RPL14: variants seen among roughly 807,000 people sequenced by gnomAD.
RPL14 encodes the protein ribosomal protein L14.
In RPL14, 4 loss-of-function variants were observed where a neutral mutation model predicts 25.3. That is an observed-to-expected ratio of 0.16 (90% CI 0.08 to 0.36). The LOEUF (loss-of-function observed/expected upper bound fraction) is 0.36, where lower values mean the gene tolerates loss of function less well. RPL14 is among the 10% of genes least tolerant of loss of function. The pLI is 1.00. For synonymous variants in RPL14, 75 were observed against 89.8 expected, an observed-to-expected ratio of 0.84 and a Z score of 0.93; for missense variants, 212 against 261.9, an observed-to-expected ratio of 0.81 and a Z score of 1.31.
At chr3:40,457,543 G>C (rs761353887) in intron 1 of RPL14, 69 bp downstream of exon 1, 1 of 1,335,158 alleles carries the variant, frequency 7.5e-7, no homozygotes, top group African/African-American at 1.5e-5. Flanking sequence ...TCCCGGACTC[G>C]CCGCTGGCGA....
intron 3 of RPL14, among the ~76,000 whole-genome samples, chr3:40,461,016 C>T (rs1290911916): frequency 1.3e-5 from 2 of 152,038 alleles, no homozygotes; most frequent in Non-Finnish European, 2.9e-5. Flanking sequence ...GGCAACGTAG[C>T]AAGACCCTGT....
In RPL14 at chr3:40,457,376, G is replaced by A; in HGVS notation, c.-96G>A. 1.2e-6 allele frequency: 2 copies of A among 1,606,706 alleles called. No homozygotes were observed. The highest frequency in any genetic ancestry group is 1.7e-6 in the Non-Finnish European group (2 of 1,176,358). On this transcript the variant is annotated 5_prime_UTR_variant, in exon 1 of 6. Coordinates refer to ENST00000396203, the MANE Select transcript of RPL14 (RefSeq NM_001034996.3). ...CGCCGCCAACATGGTGAGTCTTACTGTTGCGGGCTCCGGGGCCGTCGACCA... is the reference window on the plus strand; with the variant it reads ...CGCCGCCAACATGGTGAGTCTTACTATTGCGGGCTCCGGGGCCGTCGACCA...
rs1697002048 is a variant in RPL14, at chr3:40,464,652, CTG to C, written c.*2421_*2422del. 1.3e-5 allele frequency: 5 copies of C among 387,006 alleles called. No individual in the cohort carries two copies. Among genetic ancestry groups the C allele is most frequent in the Admixed American group, 8.7e-5 (3 of 34,306 alleles). The allele number at this position is 387,006 out of a possible 1,614,324, so 24.0% of individuals were successfully genotyped here. A position where few individuals can be genotyped will look rare whatever the true frequency, so the allele number is the denominator to read the frequency against. ...GATTTAGATCATTGAACTGTTAAGA[CTG>C]AATCTTATGGGATCAAGACTGGGAA... On this transcript the variant is annotated 3_prime_UTR_variant, in exon 6 of 6. Transcript: ENST00000396203.
rs1374001247 is a variant in RPL14 at position 40,457,487 on chromosome 3, G to T, written c.3+13G>T. The T allele has an allele frequency of 1.2e-5, 18 of 1,543,028 alleles. No individual in the cohort carries two copies. The highest frequency in any genetic ancestry group is 1.6e-5 in the Non-Finnish European group (18 of 1,138,810). On this transcript the variant is annotated intron_variant, in intron 1 of 5. Coordinates refer to ENST00000396203, the MANE Select transcript of RPL14 (RefSeq NM_001034996.3). Reference sequence around the variant, plus strand: ...CGGGAAGCGCATGGTGAGGGTCCCCGGGCCGGCTGTGCAGCGGAATCGGGC... The same window carrying T: ...CGGGAAGCGCATGGTGAGGGTCCCCTGGCCGGCTGTGCAGCGGAATCGGGC...
At chr3:40,459,976 A>T (rs1198751283) in intron 3 of RPL14, among the ~76,000 whole-genome samples, 1 of 152,046 alleles carries the variant, frequency 6.6e-6, no homozygotes, top group Non-Finnish European at 1.5e-5. Flanking sequence ...CACTTGAACA[A>T]CCTCGAGTGA....
At chr3:40,458,793 A>G in intron 3 of RPL14, 57 bp downstream of exon 3, 1 of 1,450,538 alleles carries the variant, frequency 6.9e-7, no homozygotes, top group South Asian at 1.2e-5. Context: ...ATGCTAGTAA[A>G]AGTTTGTTTT....
rs1489500684 is a variant in RPL14 at position 40,464,630 on chromosome 3, T to A, written c.*2398T>A. 5 of 427,292 alleles carry A rather than the reference T, an allele frequency of 1.2e-5. No homozygotes were observed. In the East Asian group the frequency reaches 3.5e-4, roughly 30 times the overall value. The allele number at this position is 427,292 out of a possible 1,614,324, so 26.5% of individuals were successfully genotyped here. On this transcript the variant is annotated 3_prime_UTR_variant, in exon 6 of 6. Coordinates refer to ENST00000396203, the MANE Select transcript of RPL14 (RefSeq NM_001034996.3). ...TTTAAAATGGCGTGATATCTCAGAT[T>A]TAGATCATTGAACTGTTAAGACTGA...
At chr3:40,457,788 C>A (rs1696867372) in intron 1 of RPL14, 102 bp from the exon 2 acceptor site, 2 of 1,199,368 alleles carry the variant, frequency 1.7e-6, no homozygotes, top group Non-Finnish European at 2.5e-6. Flanking sequence ...CTGCAGCATT[C>A]TTTTTCGCTG....
At chr3:40,460,744 G>C (rs2125625469) in intron 3 of RPL14, among the ~76,000 whole-genome samples, 1 of 152,052 alleles carries the variant, frequency 6.6e-6, no homozygotes, top group African/African-American at 2.4e-5. Flanking sequence ...ACCACGCCCA[G>C]CTAATTTTTG....
At position 40,458,632 on chromosome 3, in the gene RPL14, T is replaced by G; in HGVS notation, c.106-10T>G. 1.2e-6 allele frequency: 2 copies of G among 1,612,706 alleles called. No homozygotes were observed. The highest frequency in any genetic ancestry group is 1.7e-6 in the Non-Finnish European group (2 of 1,178,786). On this transcript the variant is annotated splice_polypyrimidine_tract_variant and intron_variant, in intron 2 of 5. Coordinates refer to ENST00000396203, the MANE Select transcript of RPL14 (RefSeq NM_001034996.3). ...ATTTTGCACTGAAGTTCTTGATGTT[T>G]GTGTTCTAGGCTTTGGTCGATGGAC... is the stretch of plus-strand genomic sequence containing the variant.
In RPL14 at chr3:40,459,441, C is replaced by T. The variant is rs190676295; in HGVS notation, c.200+705C>T. ...TACATTTAAGTGAGGCAGTGAATAG[C>T]AGTTCTTTTTTGACATGAAAATTAA... On this transcript the variant is annotated intron_variant, in intron 3 of 5. Transcript: ENST00000396203. Among the ~76,000 whole-genome samples, 851 of 152,238 alleles carry T rather than the reference C, an allele frequency of 5.6e-3. 15 individuals are homozygous for T. The highest frequency in any genetic ancestry group is 0.019 in the African/African-American group (801 of 41,542).
At chr3:40,460,433 G>A (rs1364841399) in intron 3 of RPL14, among the ~76,000 whole-genome samples, 2 of 151,828 alleles carry the variant, frequency 1.3e-5, no homozygotes, top group African/African-American at 4.8e-5. Flanking sequence ...CAGAAGAATT[G>A]CTAGAACCTA....
rs978710448 is a variant in RPL14, at chr3:40,462,889, C to T, written c.*657C>T. 6.6e-6 allele frequency: 1 copy of T among 152,106 alleles called. No homozygotes were observed. The allele number at this position is 152,106 out of a possible 1,614,324, so 9.4% of individuals were successfully genotyped here. On this transcript the variant is annotated 3_prime_UTR_variant, in exon 6 of 6. Coordinates refer to ENST00000396203, the MANE Select transcript of RPL14 (RefSeq NM_001034996.3). ...CCATAAATAGGTAAAGTGACAGCCT[C>T]TTGATGCTCAAGAGTCTAGCAGATT...
At chr3:40,458,167 G>T (rs992757193) in intron 2 of RPL14, 176 bp downstream of exon 2, 1 of 618,352 alleles carries the variant, frequency 1.6e-6, no homozygotes, top group African/African-American at 1.8e-5. Flanking sequence ...TTAGCTATTA[G>T]TATTGAATTT....
At position 40,458,751 on chromosome 3, in the gene RPL14, A is replaced by T; in HGVS notation, c.200+15A>T. On this transcript the variant is annotated intron_variant, in intron 3 of 5. Coordinates refer to ENST00000396203, the MANE Select transcript of RPL14 (RefSeq NM_001034996.3). ...TTTCCGCACAGGTAACTGTCCACTA[A>T]TCACTCCTCCCTCCCATCCCCAGAT... The T allele has an allele frequency of 3.1e-6, 5 of 1,603,512 alleles. No homozygotes were observed. Among genetic ancestry groups the T allele is most frequent in the Admixed American group, 1.7e-5 (1 of 60,006 alleles).
At chr3:40,459,587 G>A (rs1175102318) in intron 3 of RPL14, among the ~76,000 whole-genome samples, 2 of 152,194 alleles carry the variant, frequency 1.3e-5, no homozygotes, top group African/African-American at 4.8e-5. Context: ...CGGGCGCGGT[G>A]GCTCACGCCT....
At chr3:40,459,314 A>G (rs2125624799) in intron 3 of RPL14, among the ~76,000 whole-genome samples, 1 of 152,364 alleles carries the variant, frequency 6.6e-6, no homozygotes, top group East Asian at 1.9e-4. Flanking sequence ...AAAGTAAACA[A>G]CAATACTAAG....
Position 40,462,432 on chromosome 3 carries a change from A to T in RPL14, c.*200A>T, listed in dbSNP as rs958215721. 5.9e-6 allele frequency: 3 copies of T among 508,026 alleles called. No individual in the cohort carries two copies. In the African/African-American group the frequency reaches 6.9e-5, roughly 12 times the overall value. 31.5% of individuals were successfully genotyped at this position (508,026 alleles called of 1,614,324 possible). The stretch of plus-strand genomic sequence containing the variant: ...CGTTCTGTTGCTCAGGCCGGACTGC[A>T]GTGGCGCTATCTCGGCTCACTGTAA... On this transcript the variant is annotated 3_prime_UTR_variant, in exon 6 of 6. Transcript: ENST00000396203.
Position 40,468,202 on chromosome 3 carries a change from A to G in RPL14, c.*5970A>G, listed in dbSNP as rs1410267721. The G allele has an allele frequency of 6.6e-6, 1 of 152,184 alleles. No individual in the cohort carries two copies. The highest frequency in any genetic ancestry group is 1.5e-5 in the Non-Finnish European group (1 of 68,036). The allele number at this position is 152,184 out of a possible 1,614,324, so 9.4% of individuals were successfully genotyped here. On this transcript the variant is annotated 3_prime_UTR_variant, in exon 6 of 6. Transcript: ENST00000396203. ...CTTGTGTACACCTCCTTCTGTACACAATGATGTTTATCTGATGCACATTGC... is the reference window on the plus strand; with the variant it reads ...CTTGTGTACACCTCCTTCTGTACACGATGATGTTTATCTGATGCACATTGC...
Sources: gnomAD v4.1 joint callset for allele counts (sites outside exome capture counted in the v4.1 genomes callset) on GRCh38, gnomAD v4.1.1 for gene constraint, MANE v1.5 for transcripts, NCBI Gene and HGNC (gene_info 2026-07-23, HGNC 2026-07-21) for gene names.